Variants in THSD7B observed in about 807,000 individuals in gnomAD.
The protein encoded by THSD7B is thrombospondin type-1 domain-containing protein 7B.
In THSD7B, 138 loss-of-function variants were observed where a neutral mutation model predicts 213.6. The ratio of observed to expected loss-of-function variants is 0.65; its 90% CI spans 0.56 to 0.74. The LOEUF is 0.74. Ranked by LOEUF, THSD7B falls within the 30% of genes least tolerant of loss-of-function variation. THSD7B has a pLI of 0.00. For missense variants in THSD7B, 1,931 were observed against 1,991.5 expected (o/e 0.97, Z 0.58); for synonymous variants, 742 against 687.0 (o/e 1.08, Z -1.25).
intron 12 of THSD7B, among the ~76,000 whole-genome samples, chr2:137,371,254 C>T (rs985128600): frequency 1.3e-5 from 2 of 152,240 alleles, no homozygotes. Flanking sequence ...GCATCTTGCT[C>T]TTCTGCAGGT....
intron 5 of THSD7B, among the ~76,000 whole-genome samples, chr2:137,135,182 A>G (rs1325600634): frequency 1.3e-5 from 2 of 152,130 alleles, no homozygotes; most frequent in African/African-American, 2.4e-5. Flanking sequence ...TCATTATTCT[A>G]TTTGCCCAAG....
chr2:137,337,720 T>C (rs1000012329), intron 12 of THSD7B, among the ~76,000 whole-genome samples: 7 of 152,134 alleles, frequency 4.6e-5, no homozygotes, highest in African/African-American at 1.4e-4. Context: ...AGTCTTACTA[T>C]TTATTAATTT....
chr2:137,276,148 TTTA>T, intron 12 of THSD7B, 122 bp downstream of exon 12: 1 of 704,002 alleles, frequency 1.4e-6, no homozygotes, highest in Non-Finnish European at 2.3e-6. Context: ...ATTATTCATA[TTTA>T]TTGATGTTAA....
chr2:136,818,062 A>G (rs1247793401), intron 1 of THSD7B, among the ~76,000 whole-genome samples: 1 of 146,964 alleles, frequency 6.8e-6, no homozygotes, highest in Non-Finnish European at 1.5e-5. Context: ...TACCCAAAGG[A>G]CTATAAATCA....
chr2:137,281,145 CA>C (rs1307871573), intron 12 of THSD7B, among the ~76,000 whole-genome samples: 14 of 152,098 alleles, frequency 9.2e-5, no homozygotes, highest in Admixed American at 5.9e-4. Flanking sequence ...TTAGGTGGAC[CA>C]AAAGAGGCAG....
intron 10 of THSD7B, among the ~76,000 whole-genome samples, chr2:137,257,999 G>T (rs1408008146): frequency 3.9e-5 from 6 of 152,106 alleles, no homozygotes; most frequent in Non-Finnish European, 8.8e-5. Flanking sequence ...TTCTTATGAG[G>T]ATTGAGTGAG....
At chr2:137,147,722 T>C (rs1241515680) in intron 5 of THSD7B, among the ~76,000 whole-genome samples, 1 of 152,064 alleles carries the variant, frequency 6.6e-6, no homozygotes, top group Non-Finnish European at 1.5e-5. Context: ...TCTTGCTTGA[T>C]TCACCCCGTG....
At chr2:137,498,256 T>C (rs1171463157) in intron 15 of THSD7B, among the ~76,000 whole-genome samples, 1 of 152,156 alleles carries the variant, frequency 6.6e-6, no homozygotes, top group Admixed American at 6.5e-5. Flanking sequence ...CAAGATACCG[T>C]GTTAGGCACA....
chr2:136,914,815 T>A (rs1333565187), intron 2 of THSD7B, among the ~76,000 whole-genome samples: 2 of 152,174 alleles, frequency 1.3e-5, no homozygotes, highest in East Asian at 1.9e-4. Flanking sequence ...GAAAACGGAC[T>A]AATACACTGC....
chr2:137,048,123 T>C (rs1339926966), intron 2 of THSD7B, among the ~76,000 whole-genome samples: 1 of 152,076 alleles, frequency 6.6e-6, no homozygotes, highest in Non-Finnish European at 1.5e-5. Flanking sequence ...GTGTTCTCAT[T>C]GTTCAATTCC....
chr2:136,986,195 G>A (rs899591256), intron 2 of THSD7B, among the ~76,000 whole-genome samples: 39 of 152,116 alleles, frequency 2.6e-4, no homozygotes, highest in Admixed American at 1.9e-3. Context: ...TAAGATTAGG[G>A]GGGGACTATT....
At chr2:137,514,620 G>C (rs535322049) in intron 15 of THSD7B, among the ~76,000 whole-genome samples, 1 of 152,282 alleles carries the variant, frequency 6.6e-6, no homozygotes, top group East Asian at 1.9e-4. Context: ...CAGAGGAACA[G>C]AATATTAAAG....
At chr2:137,157,146 A>G (rs1225117614) in intron 5 of THSD7B, among the ~76,000 whole-genome samples, 1 of 152,216 alleles carries the variant, frequency 6.6e-6, no homozygotes, top group Non-Finnish European at 1.5e-5. Context: ...CTGGTCACCA[A>G]CTTGTCTGAG....
At chr2:136,941,784 C>G (rs1558860997) in intron 2 of THSD7B, among the ~76,000 whole-genome samples, 2 of 152,212 alleles carry the variant, frequency 1.3e-5, no homozygotes, top group African/African-American at 4.8e-5. Context: ...AATTTTCTCC[C>G]ATTCTGTAGA....
chr2:136,933,327 C>T (rs563257592), intron 2 of THSD7B, among the ~76,000 whole-genome samples: 4 of 152,212 alleles, frequency 2.6e-5, no homozygotes, highest in East Asian at 1.9e-4. Flanking sequence ...GTAATCCTAG[C>T]GCTTTGGGAG....
rs537662168 is a variant in THSD7B at position 137,186,196 on chromosome 2, C to T, written c.1723+15258C>T. ...TCTATAGGATGTCTGTTTACTCCATCGATAGTTTTTCTTGCTGTGCAGAAG... is the reference window on the plus strand; with the variant it reads ...TCTATAGGATGTCTGTTTACTCCATTGATAGTTTTTCTTGCTGTGCAGAAG... On this transcript the variant is annotated intron_variant, in intron 7 of 27. Transcript: ENST00000409968. Among the ~76,000 whole-genome samples the T allele has an allele frequency of 1.4e-3, 216 of 152,048 alleles. 3 individuals carry two copies. Among genetic ancestry groups the T allele is most frequent in the African/African-American group, 4.8e-3 (200 of 41,512 alleles).
chr2:136,873,050 A>T (rs1649528), intron 1 of THSD7B, among the ~76,000 whole-genome samples: 83,147 of 133,248 alleles, frequency 0.62, 27,662 homozygotes, highest in Non-Finnish European at 0.76. Context: ...AAAAAAGAAG[A>T]AAGGGAGAAT....
chr2:137,217,947 A>T (rs6430693), intron 7 of THSD7B, among the ~76,000 whole-genome samples: 90,796 of 151,996 alleles, frequency 0.6, 27,537 homozygotes, highest in South Asian at 0.71. Flanking sequence ...GCATGTGTAC[A>T]AATAACCTAA....
At chr2:136,954,540 C>G (rs1457572902) in intron 2 of THSD7B, among the ~76,000 whole-genome samples, 1 of 151,818 alleles carries the variant, frequency 6.6e-6, no homozygotes, top group Non-Finnish European at 1.5e-5. Context: ...CAGGGTGAAA[C>G]CCCGTCTCTA....
Sources: gnomAD v4.1 joint callset for allele counts (sites outside exome capture counted in the v4.1 genomes callset) on GRCh38, gnomAD v4.1.1 for gene constraint, MANE v1.5 for transcripts, NCBI Gene and HGNC (gene_info 2026-07-23, HGNC 2026-07-21) for gene names.